The following SORT1 variants were observed in gnomAD, a reference collection of about 807,000 sequenced individuals.
SORT1 encodes the protein sortilin.
In SORT1, 39 loss-of-function variants were observed where a neutral mutation model predicts 101.7. The observed-to-expected ratio is 0.38, with a 90% CI of 0.30 to 0.50. The LOEUF (loss-of-function observed/expected upper bound fraction) is 0.50. Ranked by LOEUF, SORT1 falls within the 20% of genes least tolerant of loss-of-function variation. SORT1 has a pLI of 0.90. For missense variants in SORT1, 878 were observed against 1,040.4 expected (o/e 0.84, Z 2.15); for synonymous variants, 396 against 393.7 (o/e 1.01, Z -0.07).
Position 109,355,460 on chromosome 1 carries a change from A to G in SORT1, c.450T>C (p.Tyr150=), listed in dbSNP as rs1423488784. 4 of 1,560,006 alleles carry G rather than the reference A, an allele frequency of 2.6e-6. No individual in the cohort carries two copies. The Admixed American group carries it at 5.0e-5, about 20-fold the overall frequency. ...GQSKLYRSED[Y]GKNFKDITDL... ...CTGTAATATCCTTAAAGTTCTTCCCATAATCCTCACTGAGAGGAAGAAAAA... is the reference window on the plus strand; with the variant it reads ...CTGTAATATCCTTAAAGTTCTTCCCGTAATCCTCACTGAGAGGAAGAAAAA... Residue 150 remains tyrosine (Y), a synonymous_variant, in exon 4 of 20, where the codon TAT becomes TAC. Transcript: ENST00000256637.
intron 15 of SORT1, among the ~76,000 whole-genome samples, chr1:109,318,296 G>A (rs972729737): frequency 2.0e-5 from 3 of 152,154 alleles, no homozygotes; most frequent in Non-Finnish European, 2.9e-5. Context: ...GGGATTACAG[G>A]TGCATGCCAC....
At chr1:109,344,911 G>A (rs557221320) in intron 8 of SORT1, among the ~76,000 whole-genome samples, 3 of 152,156 alleles carry the variant, frequency 2.0e-5, no homozygotes, top group African/African-American at 7.2e-5. Context: ...TGCCCAGGCT[G>A]GTCTTGAATT....
chr1:109,325,712 C>G (rs562911466), intron 13 of SORT1, among the ~76,000 whole-genome samples: 1 of 152,066 alleles, frequency 6.6e-6, no homozygotes, highest in African/African-American at 2.4e-5. Flanking sequence ...TGGTGGCTCA[C>G]GCCTGTAATC....
At chr1:109,344,162 T>C (rs886768750) in intron 8 of SORT1, among the ~76,000 whole-genome samples, 3 of 152,292 alleles carry the variant, frequency 2.0e-5, no homozygotes, top group Admixed American at 2.0e-4. Flanking sequence ...ACCTGCCCCC[T>C]TACCCACTGC....
Position 109,323,373 on chromosome 1 carries a change from T to A in SORT1, c.1835-252A>T, listed in dbSNP as rs188454684. Reference sequence around the variant, plus strand: ...AGGATTAGGAAAAACCCTATTTGTTTTGAAGTGGGAAGCTGGATAGAAAAT... The same window carrying A: ...AGGATTAGGAAAAACCCTATTTGTTATGAAGTGGGAAGCTGGATAGAAAAT... On this transcript the variant is annotated intron_variant, in intron 14 of 19. Transcript: ENST00000256637. 1.2e-4 allele frequency among the ~76,000 whole-genome samples: 18 copies of A among 152,360 alleles called. No individual in the cohort carries two copies. The East Asian group carries it at 3.3e-3, about 28-fold the overall frequency.
rs185425649 is a variant in SORT1, at chr1:109,323,246, C to T, written c.1835-125G>A. On this transcript the variant is annotated intron_variant, in intron 14 of 19. Coordinates refer to ENST00000256637, the MANE Select transcript of SORT1 (RefSeq NM_002959.7). Reference sequence around the variant, plus strand: ...GAATGTCTGACTCAACCTATTCCTTCATTTTGGAATTGCAAACAAAAAGTT... The same window carrying T: ...GAATGTCTGACTCAACCTATTCCTTTATTTTGGAATTGCAAACAAAAAGTT... 78 of 655,938 alleles carry T rather than the reference C, an allele frequency of 1.2e-4. No individual in the cohort carries two copies. The African/African-American group carries it at 1.3e-3, about 11-fold the overall frequency. The allele number at this position is 655,938 out of a possible 1,614,324, so 40.6% of individuals were successfully genotyped here.
At chr1:109,315,008 T>G (rs560123933) in intron 17 of SORT1, among the ~76,000 whole-genome samples, 48 of 152,280 alleles carry the variant, frequency 3.2e-4, no homozygotes, top group African/African-American at 1.1e-3. Flanking sequence ...CTTCAAATTC[T>G]GTGGTTTAAA....
intron 17 of SORT1, 143 bp from the exon 18 acceptor site, chr1:109,314,921 C>T: frequency 1.8e-6 from 1 of 557,876 alleles, no homozygotes; most frequent in South Asian, 2.0e-5. Context: ...TCCAACCCCC[C>T]AAGATGAACC....
At chr1:109,357,245 T>C (rs1177995597) in intron 3 of SORT1, among the ~76,000 whole-genome samples, 1 of 152,244 alleles carries the variant, frequency 6.6e-6, no homozygotes, top group Non-Finnish European at 1.5e-5. Context: ...TGTGAGTAAG[T>C]ACACTCTGTG....
Position 109,313,730 on chromosome 1 carries a change from A to C in SORT1, c.*313T>G. On this transcript the variant is annotated 3_prime_UTR_variant, in exon 20 of 20. Transcript: ENST00000256637. The stretch of plus-strand genomic sequence containing the variant: ...TGGGGTTAGTGAAAAGGTCCCTTCG[A>C]ATTCCATTTCGTTTCCCTTAAAAAA... 1 of 403,338 alleles carries C rather than the reference A, an allele frequency of 2.5e-6. No individual in the cohort carries two copies. Among genetic ancestry groups the C allele is most frequent in the Non-Finnish European group, 4.4e-6 (1 of 224,828 alleles). 25.0% of individuals were successfully genotyped at this position (403,338 alleles called of 1,614,324 possible). A position where few individuals can be genotyped will look rare whatever the true frequency, so the allele number is the denominator to read the frequency against.
In SORT1 at chr1:109,316,918, T is replaced by C; in HGVS notation, c.2182A>G (p.Asn728Asp). The change falls in exon 17 of 20, where the codon AAT becomes GAT. Residue 728 changes from asparagine (N) to aspartate (D), a missense_variant. This residue lies in a region of SORT1 where 684 missense variants were observed against 894.5 expected (regional missense o/e 0.76). Transcript: ENST00000256637. Reference protein sequence around the residue: ...IPGDKCQGGVNPVREVKDLKK... With the variant: ...IPGDKCQGGVDPVREVKDLKK... ...AAGTCTTTTACTTCTCGAACTGGAT[T>C]TACCCCACCCTGGCATTTGTCCCCT... 1.2e-6 allele frequency: 2 copies of C among 1,611,538 alleles called. No individual in the cohort carries two copies. Among genetic ancestry groups the C allele is most frequent in the South Asian group, 2.2e-5 (2 of 90,460 alleles).
At chr1:109,342,742 G>A (rs1033235333) in intron 8 of SORT1, among the ~76,000 whole-genome samples, 7 of 152,132 alleles carry the variant, frequency 4.6e-5, no homozygotes, top group African/African-American at 1.7e-4. Context: ...AGGCCAAGGA[G>A]AGTCGGAAAT....
At chr1:109,356,130 C>G (rs1320474931) in intron 3 of SORT1, among the ~76,000 whole-genome samples, 1 of 152,198 alleles carries the variant, frequency 6.6e-6, no homozygotes, top group South Asian at 2.1e-4. Flanking sequence ...CCTCGGCCTC[C>G]CAAAGTGCTG....
At chr1:109,370,213 T>G (rs1557816423) in intron 1 of SORT1, among the ~76,000 whole-genome samples, 1 of 152,160 alleles carries the variant, frequency 6.6e-6, no homozygotes, top group Non-Finnish European at 1.5e-5. Flanking sequence ...GTATATTATA[T>G]CCAAAATATA....
chr1:109,372,796 G>A lies in SORT1; in HGVS notation c.307-3207C>T, dbSNP rs370081619. Among the ~76,000 whole-genome samples, 107 of 152,080 alleles carry A rather than the reference G, an allele frequency of 7.0e-4. 1 individual carries two copies. The South Asian group carries it at 0.021, about 30-fold the overall frequency. ...CACCTGTAGTCCCAGCTACTCCGGA[G>A]GCTGAGGCAGGAGAATGGCGTGAAC... is the stretch of plus-strand genomic sequence containing the variant. On this transcript the variant is annotated intron_variant, in intron 1 of 19. Coordinates refer to ENST00000256637, the MANE Select transcript of SORT1 (RefSeq NM_002959.7).
chr1:109,356,755 C>G (rs1362211369), intron 3 of SORT1, among the ~76,000 whole-genome samples: 1 of 152,202 alleles, frequency 6.6e-6, no homozygotes, highest in Non-Finnish European at 1.5e-5. Context: ...TCCAAAAGTT[C>G]ATTCCAACAA....
chr1:109,329,008 G>T (rs1648269623), intron 11 of SORT1, among the ~76,000 whole-genome samples: 2 of 152,024 alleles, frequency 1.3e-5, no homozygotes, highest in Non-Finnish European at 2.9e-5. Flanking sequence ...GGATTCCACT[G>T]CCAGGCCTGC....
At chr1:109,369,453 T>A in intron 2 of SORT1, 77 bp downstream of exon 2, 2 of 880,428 alleles carry the variant, frequency 2.3e-6, no homozygotes, top group East Asian at 2.4e-5. Context: ...AGAAATGATA[T>A]TAGGTGCTTA....
rs141161243 is a variant in SORT1 at position 109,397,039 on chromosome 1, A to G, written c.306+548T>C. 1.3e-4 allele frequency among the ~76,000 whole-genome samples: 20 copies of G among 152,376 alleles called. No individual in the cohort carries two copies. In the East Asian group the frequency reaches 3.9e-3, roughly 29 times the overall value. ...GACATGCTAGTCAGACTTCCGTACC[A>G]TGACAGAAGGTCAAATCTGAAGCAG... On this transcript the variant is annotated intron_variant, in intron 1 of 19. Transcript: ENST00000256637.
Sources: gnomAD v4.1 joint callset for allele counts (sites outside exome capture counted in the v4.1 genomes callset) on GRCh38, gnomAD v4.1.1 for gene constraint, gnomAD v4.1.1 regional missense constraint, MANE v1.5 for transcripts, NCBI Gene and HGNC (gene_info 2026-07-23, HGNC 2026-07-21) for gene names.